The following ERBB4 variants were observed in gnomAD, a reference collection of about 807,000 sequenced individuals.
ERBB4 encodes receptor tyrosine-protein kinase erbB-4.
Under a neutral mutation model 158.0 loss-of-function variants are expected in ERBB4, and 42 were observed. The observed-to-expected ratio is 0.27, with a 90% confidence interval of 0.21 to 0.34. The LOEUF (loss-of-function observed/expected upper bound fraction) is 0.34. ERBB4 is among the 10% of genes least tolerant of loss of function. The probability of loss-of-function intolerance (pLI) is 1.00; values close to 1 mark genes in which losing one functional copy is unlikely to be tolerated. For synonymous variants in ERBB4, 583 were observed against 558.7 expected (o/e 1.04, Z -0.61); for missense variants, 1,333 against 1,624.1 (o/e 0.82, Z 3.08).
intron 1 of ERBB4, among the ~76,000 whole-genome samples, chr2:212,322,511 A>G (rs890618444): frequency 2.7e-5 from 4 of 150,778 alleles, no homozygotes; most frequent in African/African-American, 9.7e-5. Flanking sequence ...TATTTAAAAG[A>G]TATTTGAATG....
At position 212,132,882 on chromosome 2, in the gene ERBB4, A is replaced by G. The variant is rs73071225; in HGVS notation, c.83-7979T>C. ...CCCAGACAAATTGACATAGAAAATT[A>G]ACTATCATAAGCCCATCCCTTGTTA... On this transcript the variant is annotated intron_variant, in intron 1 of 27. Transcript: ENST00000342788. Among the ~76,000 whole-genome samples the G allele has an allele frequency of 3.5e-3, 537 of 152,238 alleles. 2 individuals carry two copies. Among genetic ancestry groups the G allele is most frequent in the African/African-American group, 0.012 (512 of 41,540 alleles).
intron 2 of ERBB4, among the ~76,000 whole-genome samples, chr2:212,035,838 G>A (rs2077000336): frequency 6.6e-6 from 1 of 152,118 alleles, no homozygotes; most frequent in African/African-American, 2.4e-5. Context: ...TCTTAGCAAA[G>A]TACCTGACCC....
chr2:212,505,991 C>T (rs74501745), intron 1 of ERBB4, among the ~76,000 whole-genome samples: 9,954 of 148,516 alleles, frequency 0.067, 1,015 homozygotes, highest in African/African-American at 0.15. Context: ...GTGGCAACCC[C>T]GCATAGAACA....
At chr2:211,805,317 G>T (rs1206770411) in intron 3 of ERBB4, among the ~76,000 whole-genome samples, 1 of 152,156 alleles carries the variant, frequency 6.6e-6, no homozygotes, top group African/African-American at 2.4e-5. Flanking sequence ...TTTGAGTATG[G>T]AGAAGAGTTG....
intron 1 of ERBB4, among the ~76,000 whole-genome samples, chr2:212,284,728 A>C (rs1189728592): frequency 6.6e-6 from 1 of 152,128 alleles, no homozygotes; most frequent in Non-Finnish European, 1.5e-5. Context: ...CCTAAACATA[A>C]GTTAAATATG....
At chr2:212,156,111 A>T (rs1273875311) in intron 1 of ERBB4, among the ~76,000 whole-genome samples, 1 of 152,124 alleles carries the variant, frequency 6.6e-6, no homozygotes, top group East Asian at 1.9e-4. Flanking sequence ...TCTTGTACTC[A>T]TTCAGAGGGA....
At chr2:212,236,120 T>C (rs1233410590) in intron 1 of ERBB4, among the ~76,000 whole-genome samples, 1 of 152,186 alleles carries the variant, frequency 6.6e-6, no homozygotes, top group Non-Finnish European at 1.5e-5. Flanking sequence ...AAAGAGCTCT[T>C]ATTATTTTGA....
rs745998909 is a variant in ERBB4, at chr2:211,561,963, G to A, written c.2427C>T (p.His809=). 30 of 1,613,960 alleles carry A rather than the reference G, an allele frequency of 1.9e-5. No individual in the cohort carries two copies. The highest frequency in any genetic ancestry group is 8.3e-5 in the Admixed American group (5 of 59,982). The stretch of plus-strand genomic sequence containing the variant: ...GTGATCCAATGTTATCCTTGTGCTC[G>A]TGGACATACTCCAACAGGCAGCCAT... ...MPHGCLLEYV[H]EHKDNIGSQL... is the part of the protein sequence containing the mutation. The change falls in exon 20 of 28, where the codon CAC becomes CAT. Residue 809 remains histidine (H), a synonymous_variant. Coordinates refer to ENST00000342788, the MANE Select transcript of ERBB4 (RefSeq NM_005235.3).
Position 211,734,123 on chromosome 2 carries a change from TA to T in ERBB4, c.623-8930del, listed in dbSNP as rs1163776553. Among the ~76,000 whole-genome samples, 7 of 152,096 alleles carry T rather than the reference TA, an allele frequency of 4.6e-5. No individual in the cohort carries two copies. In the South Asian group the frequency reaches 1.5e-3, roughly 32 times the overall value. On this transcript the variant is annotated intron_variant, in intron 5 of 27. Transcript: ENST00000342788. ...AATTGAAAATACAGAATGTTAAAAT[TA>T]AAAAAAGAACATCATATTAGGTAAA...
chr2:212,073,666 C>T (rs1296046163), intron 2 of ERBB4, among the ~76,000 whole-genome samples: 2 of 151,862 alleles, frequency 1.3e-5, no homozygotes, highest in Admixed American at 1.3e-4. Context: ...TCTTGGTGCA[C>T]AGAGCAGGGT....
At chr2:211,904,539 C>T (rs2079326222) in intron 3 of ERBB4, among the ~76,000 whole-genome samples, 1 of 151,990 alleles carries the variant, frequency 6.6e-6, no homozygotes, top group African/African-American at 2.4e-5. Flanking sequence ...AGCCATATTA[C>T]TAGGATGACA....
chr2:212,241,471 C>T (rs1475853014), intron 1 of ERBB4, among the ~76,000 whole-genome samples: 1 of 152,000 alleles, frequency 6.6e-6, no homozygotes, highest in Non-Finnish European at 1.5e-5. Context: ...AAACATTTAA[C>T]ACAGGTAATA....
chr2:212,259,883 A>G lies in ERBB4; in HGVS notation c.83-134980T>C, dbSNP rs775363541. On this transcript the variant is annotated intron_variant, in intron 1 of 27. Transcript: ENST00000342788. The stretch of plus-strand genomic sequence containing the variant: ...TCAGGAGTTAGACCCCAGCCTGGCT[A>G]ACATGGTAAAACCCTGTCTGTACTA... Among the ~76,000 whole-genome samples, 166 of 152,202 alleles carry G rather than the reference A, an allele frequency of 1.1e-3. No individual in the cohort carries two copies. In the Middle Eastern group the frequency reaches 0.027, roughly 25 times the overall value.
chr2:212,054,681 G>C (rs911455770), intron 2 of ERBB4, among the ~76,000 whole-genome samples: 1 of 152,192 alleles, frequency 6.6e-6, no homozygotes, highest in Non-Finnish European at 1.5e-5. Flanking sequence ...AGTAAGCTGC[G>C]TGGGGAGAGC....
chr2:211,557,406 A>G (rs1187527021), intron 20 of ERBB4, among the ~76,000 whole-genome samples: 1 of 152,208 alleles, frequency 6.6e-6, no homozygotes, highest in African/African-American at 2.4e-5. Flanking sequence ...ATGGAACTTA[A>G]ACAAATAGAC....
At chr2:211,638,041 T>C (rs1374045508) in intron 16 of ERBB4, among the ~76,000 whole-genome samples, 1 of 152,120 alleles carries the variant, frequency 6.6e-6, no homozygotes, top group African/African-American at 2.4e-5. Context: ...TGTATTGCTA[T>C]ATTCATTGTG....
At chr2:212,430,649 C>A (rs2092008758) in intron 1 of ERBB4, among the ~76,000 whole-genome samples, 1 of 152,020 alleles carries the variant, frequency 6.6e-6, no homozygotes, top group Non-Finnish European at 1.5e-5. Context: ...ACCATGTTGG[C>A]CAGGCTGGTC....
At chr2:212,510,240 C>G (rs932666033) in intron 1 of ERBB4, among the ~76,000 whole-genome samples, 2 of 132,550 alleles carry the variant, frequency 1.5e-5, no homozygotes, top group Admixed American at 1.5e-4. Flanking sequence ...TATAACTACT[C>G]CCATCCAATG....
chr2:212,431,322 A>AAC (rs896841064), intron 1 of ERBB4, among the ~76,000 whole-genome samples: 1 of 150,716 alleles, frequency 6.6e-6, no homozygotes, highest in African/African-American at 2.4e-5. Flanking sequence ...AAAAAAAAAA[A>AAC]AAAAAAAACC....
Sources: allele counts gnomAD v4.1 joint callset (sites outside exome capture counted in the v4.1 genomes callset), GRCh38; gene constraint gnomAD v4.1.1; transcripts MANE v1.5; gene names NCBI Gene and HGNC (gene_info 2026-07-23, HGNC 2026-07-21).